Variants in UHRF2 observed in about 807,000 individuals in gnomAD.
UHRF2 encodes E3 ubiquitin-protein ligase UHRF2.
Under a neutral mutation model 96.8 loss-of-function variants are expected in UHRF2, and 23 were observed. That is an observed-to-expected ratio of 0.24 (90% CI 0.17 to 0.34). The LOEUF is 0.34. UHRF2 is among the 10% of genes least tolerant of loss of function. The pLI, the probability that UHRF2 is intolerant of heterozygous loss-of-function variation, is 1.00. For synonymous variants in UHRF2, 385 were observed against 332.6 expected (o/e 1.16, Z -1.72); for missense variants, 685 against 981.5 (o/e 0.70, Z 4.04).
At chr9:6,451,344 T>C (rs1821848237) in intron 3 of UHRF2, among the ~76,000 whole-genome samples, 1 of 152,258 alleles carries the variant, frequency 6.6e-6, no homozygotes, top group African/African-American at 2.4e-5. Context: ...TTGTTAATTG[T>C]GTTTATAATT....
intron 8 of UHRF2, 126 bp from the exon 9 acceptor site, chr9:6,486,695 A>G (rs1419460069): frequency 1.2e-6 from 1 of 821,226 alleles, no homozygotes; most frequent in East Asian, 2.7e-5. Context: ...ATGAGAGAGC[A>G]AAAGATAGAA....
chr9:6,431,887 A>G (rs564148438), intron 2 of UHRF2, among the ~76,000 whole-genome samples: 16 of 152,330 alleles, frequency 1.1e-4, no homozygotes, highest in African/African-American at 2.2e-4. Flanking sequence ...AGTATCAACT[A>G]TATGCTGCAT....
intron 3 of UHRF2, among the ~76,000 whole-genome samples, chr9:6,441,618 A>G (rs924635858): frequency 7.2e-5 from 11 of 152,156 alleles, no homozygotes; most frequent in Admixed American, 2.6e-4. Flanking sequence ...TATAGGGGAA[A>G]GGAGTTGATA....
chr9:6,434,369 T>A, intron 3 of UHRF2, 196 bp downstream of exon 3: 1 of 591,048 alleles, frequency 1.7e-6, no homozygotes, highest in Non-Finnish European at 2.8e-6. Context: ...GGTTCTTAAG[T>A]GGTTTATTTT....
chr9:6,438,789 A>C (rs1391286144), intron 3 of UHRF2, among the ~76,000 whole-genome samples: 1 of 152,224 alleles, frequency 6.6e-6, no homozygotes, highest in African/African-American at 2.4e-5. Flanking sequence ...ATGAAGCTTC[A>C]TTAAAACAGA....
intron 3 of UHRF2, among the ~76,000 whole-genome samples, chr9:6,439,625 T>C (rs568869273): frequency 6.6e-6 from 1 of 152,374 alleles, no homozygotes; most frequent in East Asian, 1.9e-4. Flanking sequence ...ATGTCACTTA[T>C]CTGTCCTTAA....
chr9:6,504,015 C>CGTT (rs1816445450), intron 14 of UHRF2, among the ~76,000 whole-genome samples: 2 of 78,958 alleles, frequency 2.5e-5, no homozygotes, highest in African/African-American at 1.2e-4. Flanking sequence ...AAATAGAAGA[C>CGTT]TTTTTTTTTT....
chr9:6,441,661 CAA>C (rs1052891965), intron 3 of UHRF2, among the ~76,000 whole-genome samples: 1 of 151,278 alleles, frequency 6.6e-6, no homozygotes, highest in African/African-American at 2.4e-5. Context: ...TTTTAAAGAC[CAA>C]AGATGATATG....
At chr9:6,430,034 A>C (rs2130755189) in intron 2 of UHRF2, among the ~76,000 whole-genome samples, 1 of 152,220 alleles carries the variant, frequency 6.6e-6, no homozygotes, top group South Asian at 2.1e-4. Context: ...CTTTTTTTGA[A>C]ATGGAGTTTT....
chr9:6,481,844 A>G, intron 7 of UHRF2, 78 bp downstream of exon 7: 1 of 1,554,640 alleles, frequency 6.4e-7, no homozygotes, highest in South Asian at 1.2e-5. Context: ...TAGTAATGGT[A>G]TAAAAGATTA....
chr9:6,466,009 A>G (rs2130862126), intron 4 of UHRF2, among the ~76,000 whole-genome samples: 1 of 152,372 alleles, frequency 6.6e-6, no homozygotes, highest in Admixed American at 6.5e-5. Context: ...CTACTGTAAT[A>G]TAATATTTAC....
chr9:6,491,371 C>T (rs13285035), intron 9 of UHRF2, among the ~76,000 whole-genome samples: 8,287 of 152,220 alleles, frequency 0.054, 343 homozygotes, highest in African/African-American at 0.11. Flanking sequence ...ATTAATTATA[C>T]GTAAAATGCT....
chr9:6,472,500 G>C (rs1227944832), intron 4 of UHRF2, among the ~76,000 whole-genome samples: 4 of 152,180 alleles, frequency 2.6e-5, no homozygotes. Flanking sequence ...TTCCAAAACT[G>C]GGGGAATATT....
intron 2 of UHRF2, among the ~76,000 whole-genome samples, chr9:6,425,637 C>G (rs1360262702): frequency 6.6e-6 from 1 of 152,246 alleles, no homozygotes; most frequent in Non-Finnish European, 1.5e-5. Context: ...GTGGCACATG[C>G]CTGTAATCCC....
chr9:6,416,003 TC>T (rs1819577100), intron 1 of UHRF2, among the ~76,000 whole-genome samples: 1 of 152,226 alleles, frequency 6.6e-6, no homozygotes, highest in South Asian at 2.1e-4. Context: ...TAACAAGATC[TC>T]CAGGTGATCT....
At chr9:6,467,466 G>T (rs915498743) in intron 4 of UHRF2, among the ~76,000 whole-genome samples, 3 of 152,028 alleles carry the variant, frequency 2.0e-5, no homozygotes, top group Admixed American at 2.0e-4. Context: ...GGGGCCCATT[G>T]TTCTGCCTGT....
chr9:6,502,542 C>T (rs528830775), intron 14 of UHRF2, among the ~76,000 whole-genome samples: 4 of 152,342 alleles, frequency 2.6e-5, no homozygotes, highest in Non-Finnish European at 5.9e-5. Flanking sequence ...CCCGCTTCAG[C>T]CTCCTAAGTA....
chr9:6,502,297 C>T (rs1326740501), intron 14 of UHRF2, among the ~76,000 whole-genome samples: 1 of 152,178 alleles, frequency 6.6e-6, no homozygotes. Context: ...ACATGCTCGA[C>T]GTCTTGATAC....
At chr9:6,414,404 C>A (rs539955473) in intron 1 of UHRF2, among the ~76,000 whole-genome samples, 1 of 152,200 alleles carries the variant, frequency 6.6e-6, no homozygotes, top group Non-Finnish European at 1.5e-5. Context: ...CCTTCTAATA[C>A]TCATGTCGTT....
Sources: gnomAD v4.1 joint callset for allele counts (sites outside exome capture counted in the v4.1 genomes callset) on GRCh38, gnomAD v4.1.1 for gene constraint, MANE v1.5 for transcripts, NCBI Gene and HGNC (gene_info 2026-07-23, HGNC 2026-07-21) for gene names.